Variants in LUZP2 observed in about 807,000 individuals in gnomAD.
The protein encoded by LUZP2 is leucine zipper protein 2.
In LUZP2, 52 loss-of-function variants were observed where a neutral mutation model predicts 51.6. The ratio of observed to expected loss-of-function variants is 1.01; its 90% CI spans 0.81 to 1.27. The LOEUF is 1.27. Among genes scored for constraint, LUZP2 ranks in the 50% most tolerant of loss-of-function variants. The pLI is 0.00. For missense variants in LUZP2, 436 were observed against 395.4 expected (o/e 1.10, Z -0.87); for synonymous variants, 154 against 137.3 (o/e 1.12, Z -0.85).
At chr11:24,775,136 A>T (rs1848877951) in intron 5 of LUZP2, among the ~76,000 whole-genome samples, 1 of 152,072 alleles carries the variant, frequency 6.6e-6, no homozygotes, top group African/African-American at 2.4e-5. Context: ...AACCCAGAAA[A>T]GTGTAATGTC....
In LUZP2 at chr11:24,963,761, C is replaced by T. The variant is rs909852041; in HGVS notation, c.523-12830C>T. Among the ~76,000 whole-genome samples, 11 of 152,086 alleles carry T rather than the reference C, an allele frequency of 7.2e-5. No individual in the cohort carries two copies. The South Asian group carries it at 8.3e-4, about 11-fold the overall frequency. The stretch of plus-strand genomic sequence containing the variant: ...ACCCTGCTTCGGCTCGTGCACGGTG[C>T]GCTGCATCCACTGACCTGCGCCCAC... On this transcript the variant is annotated intron_variant, in intron 7 of 11. Coordinates refer to ENST00000336930, the MANE Select transcript of LUZP2 (RefSeq NM_001009909.4).
At chr11:24,915,849 G>A (rs531995900) in intron 7 of LUZP2, among the ~76,000 whole-genome samples, 2 of 151,952 alleles carry the variant, frequency 1.3e-5, no homozygotes, top group African/African-American at 2.4e-5. Context: ...TAGCACAAAA[G>A]TATCTATTAA....
At chr11:24,529,392 A>G (rs148208849) in intron 1 of LUZP2, among the ~76,000 whole-genome samples, 1,522 of 151,242 alleles carry the variant, frequency 0.01, 29 homozygotes, top group African/African-American at 0.035. Flanking sequence ...AGGGGAAAAC[A>G]TAAGTACTAA....
intron 9 of LUZP2, among the ~76,000 whole-genome samples, chr11:24,992,886 G>A (rs1856390650): frequency 6.6e-6 from 1 of 152,026 alleles, no homozygotes; most frequent in African/African-American, 2.4e-5. Flanking sequence ...CATAATGCCA[G>A]TTCACAATTC....
At chr11:24,873,022 A>C (rs879621739) in intron 5 of LUZP2, among the ~76,000 whole-genome samples, 4 of 152,138 alleles carry the variant, frequency 2.6e-5, no homozygotes, top group Non-Finnish European at 5.9e-5. Context: ...TTAGAAAAAA[A>C]TTTTCTCTTG....
chr11:25,030,608 T>G (rs1857616857), intron 9 of LUZP2, among the ~76,000 whole-genome samples: 1 of 151,742 alleles, frequency 6.6e-6, no homozygotes, highest in Admixed American at 6.6e-5. Context: ...AGCCTTAAAT[T>G]TTGCTGATCT....
At position 24,686,455 on chromosome 11, in the gene LUZP2, A is replaced by G. The variant is rs527910555; in HGVS notation, c.63-42714A>G. ...AAAAAGCCACCTTAAATATGTCCTCAGAAGACCCTGTCCCCCATTCGTACA... is the reference window on the plus strand; with the variant it reads ...AAAAAGCCACCTTAAATATGTCCTCGGAAGACCCTGTCCCCCATTCGTACA... On this transcript the variant is annotated intron_variant, in intron 1 of 11. Transcript: ENST00000336930. 1.4e-3 allele frequency among the ~76,000 whole-genome samples: 207 copies of G among 152,330 alleles called. 1 individual carries two copies. The highest frequency in any genetic ancestry group is 2.2e-3 in the Admixed American group (33 of 15,304).
intron 1 of LUZP2, chr11:24,701,637 T>G (rs2133911090): frequency 6.6e-6 from 1 of 152,608 alleles, no homozygotes; most frequent in African/African-American, 2.4e-5. Flanking sequence ...AGAAGAAGAT[T>G]TTTATCAACT....
intron 5 of LUZP2, among the ~76,000 whole-genome samples, chr11:24,840,684 G>GT (rs1190429980): frequency 6.6e-6 from 1 of 151,932 alleles, no homozygotes; most frequent in African/African-American, 2.4e-5. Context: ...ATTCAAATGG[G>GT]TAAAGTTAAG....
chr11:25,030,324 T>G (rs79961315), intron 9 of LUZP2, among the ~76,000 whole-genome samples: 11,899 of 152,156 alleles, frequency 0.078, 1,507 homozygotes, highest in African/African-American at 0.26. Flanking sequence ...AATACTGTAA[T>G]TTATTTCTCT....
intron 7 of LUZP2, among the ~76,000 whole-genome samples, chr11:24,965,433 T>C (rs922163492): frequency 6.6e-6 from 1 of 151,610 alleles, no homozygotes; most frequent in Non-Finnish European, 1.5e-5. Flanking sequence ...CAAGAAAGAA[T>C]ATCAACAAAA....
intron 4 of LUZP2, among the ~76,000 whole-genome samples, chr11:24,739,515 G>T (rs144296066): frequency 0.011 from 1,744 of 152,162 alleles, 14 homozygotes; most frequent in Non-Finnish European, 0.017. Flanking sequence ...ATATGATTGG[G>T]TTGTTCAGAG....
intron 5 of LUZP2, among the ~76,000 whole-genome samples, chr11:24,765,840 AT>A (rs1239601772): frequency 1.3e-5 from 2 of 151,928 alleles, no homozygotes; most frequent in Non-Finnish European, 2.9e-5. Context: ...GTTAGCCAGG[AT>A]GGTCTCCATC....
At chr11:24,592,731 C>T (rs909868530) in intron 1 of LUZP2, among the ~76,000 whole-genome samples, 2 of 151,572 alleles carry the variant, frequency 1.3e-5, no homozygotes, top group Admixed American at 1.3e-4. Flanking sequence ...GTATCACGCT[C>T]TTGATTGAAA....
chr11:24,573,387 T>C (rs892085862), intron 1 of LUZP2, among the ~76,000 whole-genome samples: 4 of 152,060 alleles, frequency 2.6e-5, no homozygotes, highest in African/African-American at 9.7e-5. Context: ...TTCTAAACTT[T>C]TATTTAAAGT....
At chr11:24,873,400 A>G (rs1374400303) in intron 5 of LUZP2, among the ~76,000 whole-genome samples, 1 of 152,204 alleles carries the variant, frequency 6.6e-6, no homozygotes, top group East Asian at 1.9e-4. Context: ...GTAGGGTGAC[A>G]AAAATGTTGG....
chr11:24,591,263 C>A (rs1362218580), intron 1 of LUZP2, among the ~76,000 whole-genome samples: 1 of 151,930 alleles, frequency 6.6e-6, no homozygotes, highest in Admixed American at 6.6e-5. Context: ...AAGGGCAGAG[C>A]CATGCCCTTG....
At chr11:24,946,477 T>A (rs1354718596) in intron 7 of LUZP2, among the ~76,000 whole-genome samples, 1 of 151,974 alleles carries the variant, frequency 6.6e-6, no homozygotes, top group African/African-American at 2.4e-5. Flanking sequence ...TTTTAATTCC[T>A]TTTAATTATA....
At chr11:25,044,125 C>CTCTATATATCAGATAT (rs1858201477) in intron 9 of LUZP2, among the ~76,000 whole-genome samples, 2 of 58,004 alleles carry the variant, frequency 3.4e-5, no homozygotes, top group Admixed American at 2.1e-4. Context: ...ATATCAGATA[C>CTCTATATATCAGATAT]ATATGTAGTC....
Sources: gnomAD v4.1 joint callset for allele counts (sites outside exome capture counted in the v4.1 genomes callset) on GRCh38, gnomAD v4.1.1 for gene constraint, MANE v1.5 for transcripts, NCBI Gene and HGNC (gene_info 2026-07-23, HGNC 2026-07-21) for gene names.